Variants in BNC2 observed in about 807,000 individuals in gnomAD.
The protein encoded by BNC2 is basonuclin zinc finger protein 2.
BNC2 carries 20 observed loss-of-function variants against 76.3 expected under a neutral mutation model. The ratio of observed to expected loss-of-function variants is 0.26; its 90% confidence interval spans 0.18 to 0.38. The LOEUF (loss-of-function observed/expected upper bound fraction) is 0.38, where lower values mean the gene tolerates loss of function less well. BNC2 is among the 10% of genes least tolerant of loss of function. The pLI, the probability that BNC2 is intolerant of heterozygous loss-of-function variation, is 1.00. For synonymous variants in BNC2, 582 were observed against 514.8 expected (o/e 1.13, Z -1.77); for missense variants, 1,382 against 1,399.8 (o/e 0.99, Z 0.20).
chr9:16,604,115 TA>T (rs1265155973), intron 3 of BNC2, among the ~76,000 whole-genome samples: 2 of 152,198 alleles, frequency 1.3e-5, no homozygotes, highest in African/African-American at 4.8e-5. Context: ...CGTATTGTTC[TA>T]ATTAGTTCAC....
intron 5 of BNC2, among the ~76,000 whole-genome samples, chr9:16,452,116 C>T (rs571522220): frequency 6.6e-6 from 1 of 152,250 alleles, no homozygotes; most frequent in Admixed American, 6.5e-5. Flanking sequence ...TACTAGTACG[C>T]TAGGGGTGAA....
At chr9:16,607,055 T>C (rs932766073) in intron 3 of BNC2, among the ~76,000 whole-genome samples, 2 of 151,578 alleles carry the variant, frequency 1.3e-5, no homozygotes, top group Non-Finnish European at 2.9e-5. Context: ...TCGGGCGATC[T>C]TCCTGTCTCA....
chr9:16,654,309 G>A (rs916034990), intron 3 of BNC2, among the ~76,000 whole-genome samples: 7 of 151,906 alleles, frequency 4.6e-5, no homozygotes, highest in African/African-American at 1.7e-4. Flanking sequence ...TAGAGTTCAG[G>A]GCATAACATA....
intron 5 of BNC2, among the ~76,000 whole-genome samples, chr9:16,469,743 G>A (rs972848484): frequency 6.6e-6 from 1 of 152,182 alleles, no homozygotes; most frequent in Non-Finnish European, 1.5e-5. Context: ...GAATGGCTTT[G>A]CCCAAAATGC....
rs773628876 is a variant in BNC2 at position 16,857,637 on chromosome 9, G to GA, written c.3+13008dup. The stretch of plus-strand genomic sequence containing the variant: ...CTTTATGTACGTAAACACTTATGAT[G>GA]AAAAAATGCACACTCGCTTTGTATA... On this transcript the variant is annotated intron_variant, in intron 1 of 6. Transcript: ENST00000380672. 2.2e-4 allele frequency among the ~76,000 whole-genome samples: 34 copies of GA among 152,008 alleles called. No homozygotes were observed. In the East Asian group the frequency reaches 6.4e-3, roughly 29 times the overall value.
chr9:16,537,501 A>G (rs1446546359), intron 5 of BNC2, among the ~76,000 whole-genome samples: 2 of 152,166 alleles, frequency 1.3e-5, no homozygotes, highest in African/African-American at 2.4e-5. Context: ...CAAAATATAT[A>G]TATCAAAAAT....
At chr9:16,817,247 A>T (rs1234969154) in intron 1 of BNC2, among the ~76,000 whole-genome samples, 1 of 152,144 alleles carries the variant, frequency 6.6e-6, no homozygotes, top group African/African-American at 2.4e-5. Context: ...AAGAGGATCT[A>T]GAAACACTGC....
intron 3 of BNC2, among the ~76,000 whole-genome samples, chr9:16,652,347 T>TG (rs1821816341): frequency 6.6e-6 from 1 of 152,154 alleles, no homozygotes; most frequent in Non-Finnish European, 1.5e-5. Context: ...ATAAAACAAA[T>TG]GTTTTTTTTT....
chr9:16,684,084 G>GT lies in BNC2; in HGVS notation c.330+43712dup, dbSNP rs756870659. 9.9e-3 allele frequency among the ~76,000 whole-genome samples: 1,498 copies of GT among 151,418 alleles called. 15 individuals are homozygous for GT. The highest frequency in any genetic ancestry group is 0.017 in the Middle Eastern group (5 of 294). ...CATAGTATGTCAATGTACTCAATAG[G>GT]TTTTTTTTTCCAGTTTTATTTTACA... On this transcript the variant is annotated intron_variant, in intron 3 of 6. Coordinates refer to ENST00000380672, the MANE Select transcript of BNC2 (RefSeq NM_017637.6).
At chr9:16,624,769 T>G (rs1820947976) in intron 3 of BNC2, among the ~76,000 whole-genome samples, 1 of 152,244 alleles carries the variant, frequency 6.6e-6, no homozygotes, top group South Asian at 2.1e-4. Context: ...TTTCTCTAGT[T>G]TATCGGAGCA....
chr9:16,558,702 G>A (rs922294462), intron 4 of BNC2, among the ~76,000 whole-genome samples: 6 of 152,078 alleles, frequency 3.9e-5, no homozygotes, highest in Admixed American at 1.3e-4. Context: ...AGGTTGAGGC[G>A]GGCGGATCAT....
In BNC2 at chr9:16,834,408, G is replaced by A. The variant is rs551168691; in HGVS notation, c.3+36238C>T. Among the ~76,000 whole-genome samples the A allele has an allele frequency of 3.9e-5, 6 of 152,268 alleles. No individual in the cohort carries two copies. The East Asian group carries it at 9.6e-4, about 24-fold the overall frequency. ...CACTTAATACTCCTCCTTTCCCTGT[G>A]TTGGTAGCAATGACAGACAGTTGCA... On this transcript the variant is annotated intron_variant, in intron 1 of 6. Transcript: ENST00000380672.
chr9:16,825,152 G>A (rs987313735), intron 1 of BNC2, among the ~76,000 whole-genome samples: 3 of 152,006 alleles, frequency 2.0e-5, no homozygotes, highest in African/African-American at 4.8e-5. Context: ...GAATGAGGAG[G>A]TATGTCATTT....
chr9:16,637,457 G>C (rs1431975701), intron 3 of BNC2, among the ~76,000 whole-genome samples: 2 of 152,160 alleles, frequency 1.3e-5, no homozygotes, highest in Non-Finnish European at 2.9e-5. Context: ...GCCTCCGCCA[G>C]GGAAGACCTG....
chr9:16,818,981 A>T (rs1818250956), intron 1 of BNC2, among the ~76,000 whole-genome samples: 1 of 148,712 alleles, frequency 6.7e-6, no homozygotes. Context: ...CCTTGGCAAT[A>T]AAAAAAAGTC....
At chr9:16,842,371 C>T (rs1297870738) in intron 1 of BNC2, among the ~76,000 whole-genome samples, 3 of 152,104 alleles carry the variant, frequency 2.0e-5, no homozygotes, top group Admixed American at 6.5e-5. Context: ...ACACAGATAC[C>T]ATGCTAGGAA....
At chr9:16,696,289 T>C (rs1823335415) in intron 3 of BNC2, among the ~76,000 whole-genome samples, 1 of 152,192 alleles carries the variant, frequency 6.6e-6, no homozygotes, top group Non-Finnish European at 1.5e-5. Context: ...CTTTCCAGCT[T>C]TATCTTCTCC....
intron 5 of BNC2, among the ~76,000 whole-genome samples, chr9:16,441,459 T>A (rs1821126751): frequency 6.6e-6 from 1 of 152,232 alleles, no homozygotes; most frequent in Non-Finnish European, 1.5e-5. Context: ...TATCTTTGAC[T>A]AACCTCGTTG....
At chr9:16,779,792 A>G (rs1354585916) in intron 1 of BNC2, among the ~76,000 whole-genome samples, 3 of 152,354 alleles carry the variant, frequency 2.0e-5, no homozygotes, top group African/African-American at 7.2e-5. Flanking sequence ...CCATAGAGAA[A>G]AAGTAGATTA....
Sources: gnomAD v4.1 joint callset for allele counts (sites outside exome capture counted in the v4.1 genomes callset) on GRCh38, gnomAD v4.1.1 for gene constraint, MANE v1.5 for transcripts, NCBI Gene and HGNC (gene_info 2026-07-23, HGNC 2026-07-21) for gene names.